TUB: variants seen among roughly 807,000 people sequenced by gnomAD.
TUB encodes the protein TUB bipartite transcription factor.
In TUB, 33 loss-of-function variants were observed where a neutral mutation model predicts 59.7. That is an observed-to-expected ratio of 0.55 (90% CI 0.42 to 0.74). The LOEUF is 0.74. Among genes scored for constraint, TUB ranks in the 30% least tolerant of loss-of-function variants. TUB has a pLI of 0.00. For synonymous variants in TUB, 293 were observed against 256.4 expected (o/e 1.14, Z -1.36); for missense variants, 659 against 672.0 (o/e 0.98, Z 0.21).
intron 1 of TUB, chr11:8,019,452 G>A: frequency 1.0e-5 from 12 of 1,198,102 alleles, no homozygotes; most frequent in Non-Finnish European, 1.2e-5. Flanking sequence ...ACTGGCGCGA[G>A]CGCCCGACCC....
intron 2 of TUB, among the ~76,000 whole-genome samples, chr11:8,039,941 C>G (rs1239626265): frequency 1.3e-5 from 2 of 152,198 alleles, no homozygotes; most frequent in Admixed American, 6.5e-5. Flanking sequence ...TGCCTTGACT[C>G]TAACCGGGTG....
At position 8,089,737 on chromosome 11, in the gene TUB, A is replaced by G; in HGVS notation, c.90+76A>G. 8.3e-6 allele frequency: 13 copies of G among 1,566,610 alleles called. 1 individual carries two copies. The highest frequency in any genetic ancestry group is 1.7e-5 in the Admixed American group (1 of 59,722). On this transcript the variant is annotated intron_variant, in intron 2 of 11. Coordinates refer to ENST00000299506, the MANE Select transcript of TUB (RefSeq NM_177972.3). Reference sequence around the variant, plus strand: ...TGAGGGCAGAGGGGCAGGGCTGTCCATCTTCCCTGGATGATCCCGTCTGAT... The same window carrying G: ...TGAGGGCAGAGGGGCAGGGCTGTCCGTCTTCCCTGGATGATCCCGTCTGAT...
At chr11:8,052,851 G>A (rs1589934851) in intron 2 of TUB, among the ~76,000 whole-genome samples, 1 of 152,078 alleles carries the variant, frequency 6.6e-6, no homozygotes, top group African/African-American at 2.4e-5. Context: ...TAGTTATTCT[G>A]TATTAATCAA....
chr11:8,097,475 A>G (rs1365179023), intron 7 of TUB, 50 bp downstream of exon 7: 1 of 1,609,592 alleles, frequency 6.2e-7, no homozygotes, highest in Non-Finnish European at 8.5e-7. Flanking sequence ...GCCCTTTGAA[A>G]TCCTAGGGGC....
intron 2 of TUB, among the ~76,000 whole-genome samples, chr11:8,056,741 C>G (rs1487636835): frequency 1.3e-5 from 2 of 151,870 alleles, no homozygotes; most frequent in Non-Finnish European, 2.9e-5. Flanking sequence ...TACAGGTGAG[C>G]TTGTCTCTGA....
In TUB at chr11:8,100,587, A is replaced by G. The variant is rs149675851; in HGVS notation, c.1201A>G (p.Ile401Val). Residue 401 changes from isoleucine to valine, a missense_variant, in exon 10 of 12, where the codon ATC becomes GTC. Physicochemically the swap from Ile to Val is conservative, Grantham distance 29 (BLOSUM62 3). Around this residue, in one of 3 missense-constraint regions of TUB, gnomAD observed 226 missense variants for 210.8 expected, o/e 1.07. Coordinates refer to ENST00000299506, the MANE Select transcript of TUB (RefSeq NM_177972.3). ...GAACATGGTTCATGAGAGAGTCTCTATCCGCCCCCGCAACGTGAGTGTCTA... is the reference window on the plus strand; with the variant it reads ...GAACATGGTTCATGAGAGAGTCTCTGTCCGCCCCCGCAACGTGAGTGTCTA... ...GMNMVHERVS[I>V]RPRNEHETLL... 2.5e-6 allele frequency: 4 copies of G among 1,613,830 alleles called. No homozygotes were observed. The African/African-American group carries it at 4.0e-5, about 16-fold the overall frequency.
intron 2 of TUB, among the ~76,000 whole-genome samples, chr11:8,040,088 G>T (rs886162557): frequency 6.6e-6 from 1 of 152,186 alleles, no homozygotes; most frequent in Non-Finnish European, 1.5e-5. Flanking sequence ...GAATCATGGT[G>T]GCAGAGCCTC....
intron 1 of TUB, among the ~76,000 whole-genome samples, chr11:8,028,434 T>C (rs747580861): frequency 2.0e-5 from 3 of 152,258 alleles, no homozygotes; most frequent in Non-Finnish European, 2.9e-5. Context: ...AGCTTTAATT[T>C]TGATGAAGTC....
intron 2 of TUB, among the ~76,000 whole-genome samples, chr11:8,063,228 C>T (rs1030342576): frequency 1.3e-5 from 2 of 152,168 alleles, no homozygotes; most frequent in Admixed American, 6.5e-5. Context: ...TGGAGATGAG[C>T]GCACACAAGG....
intron 1 of TUB, among the ~76,000 whole-genome samples, chr11:8,033,477 C>G (rs35870707): frequency 0.02 from 3,081 of 152,352 alleles, 72 homozygotes; most frequent in Admixed American, 0.031. Context: ...GCTTGATTAG[C>G]TTTGCCTGCC....
intron 1 of TUB, among the ~76,000 whole-genome samples, chr11:8,086,209 T>A (rs73398926): frequency 0.084 from 12,745 of 152,236 alleles, 1,191 homozygotes; most frequent in African/African-American, 0.23. Flanking sequence ...ATTCCATAAT[T>A]GGAGCTGAAG....
chr11:8,031,570 C>G (rs188391166), intron 1 of TUB, among the ~76,000 whole-genome samples: 3 of 152,336 alleles, frequency 2.0e-5, no homozygotes, highest in African/African-American at 7.2e-5. Context: ...GCGGGGACCT[C>G]GGTCTGCCGT....
chr11:8,076,573 A>C (rs1372970086), upstream of TUB: 1 of 152,192 alleles, frequency 6.6e-6, no homozygotes, highest in African/African-American at 2.4e-5. Context: ...TGGAGCCCCA[A>C]GTGGATCCTA....
intron 1 of TUB, among the ~76,000 whole-genome samples, chr11:8,024,491 T>C (rs1242957879): frequency 6.6e-6 from 1 of 152,082 alleles, no homozygotes; most frequent in Non-Finnish European, 1.5e-5. Context: ...GTGTGTTATG[T>C]AAATGGCCCT....
rs1437477335 is a variant in TUB at position 8,090,086 on chromosome 11, G to C, written c.108G>C (p.Gln36His). The C allele has an allele frequency of 8.1e-6, 13 of 1,610,032 alleles. No individual in the cohort carries two copies. The highest frequency in any genetic ancestry group is 8.5e-6 in the Non-Finnish European group (10 of 1,178,272). ...KLDRQRALLE[Q>H]KQKKKRQEPL... ...CTCCATAGCGGGCCCTGCTGGAGCA[G>C]AAGCAGAAGAAGAAGCGCCAGGAGC... Residue 36 changes from glutamine to histidine, a missense_variant, in exon 3 of 12, where the codon CAG becomes CAC. Physicochemically the swap from Gln to His is conservative, Grantham distance 24. Around this residue, in one of 3 missense-constraint regions of TUB, gnomAD observed 321 missense variants for 304.3 expected, o/e 1.05. Transcript: ENST00000299506.
At chr11:8,070,412 C>T (rs1392407115) in intron 2 of TUB, among the ~76,000 whole-genome samples, 1 of 151,898 alleles carries the variant, frequency 6.6e-6, no homozygotes, top group Admixed American at 6.6e-5. Context: ...CTTTTTCATT[C>T]TCATTTTGCA....
intron 1 of TUB, among the ~76,000 whole-genome samples, chr11:8,026,272 T>C (rs187492783): frequency 6.6e-6 from 1 of 152,306 alleles, no homozygotes; most frequent in East Asian, 1.9e-4. Flanking sequence ...TTTTCTTATG[T>C]ATTTTCAAGA....
At chr11:8,080,161 T>C (rs902664493), upstream of TUB, among the ~76,000 whole-genome samples, 1 of 152,156 alleles carries the variant, frequency 6.6e-6, no homozygotes, top group African/African-American at 2.4e-5. Context: ...GACCGCCTAT[T>C]TATCATCAGA....
intron 1 of TUB, among the ~76,000 whole-genome samples, chr11:8,082,230 C>T (rs113779023): frequency 3.3e-5 from 5 of 152,354 alleles, no homozygotes; most frequent in African/African-American, 1.2e-4. Context: ...CACACCAGCT[C>T]ACAGTACATA....
Sources: gnomAD v4.1 joint callset for allele counts (sites outside exome capture counted in the v4.1 genomes callset) on GRCh38, gnomAD v4.1.1 for gene constraint, gnomAD v4.1.1 regional missense constraint, MANE v1.5 for transcripts, NCBI Gene and HGNC (gene_info 2026-07-23, HGNC 2026-07-21) for gene names.